SPATA18: variants seen among roughly 807,000 people sequenced by gnomAD.
SPATA18 encodes the protein spermatogenesis associated 18.
SPATA18 carries 54 observed loss-of-function variants against 68.1 expected under a neutral mutation model. The observed-to-expected ratio is 0.79, with a 90% CI of 0.64 to 0.99. The LOEUF (loss-of-function observed/expected upper bound fraction) is 0.99. Ranked by LOEUF, SPATA18 falls within the 50% of genes least tolerant of loss-of-function variation. The pLI is 0.00. For synonymous variants in SPATA18, 242 were observed against 244.8 expected (o/e 0.99, Z 0.11); for missense variants, 724 against 681.1 (o/e 1.06, Z -0.70).
At chr4:52,053,914 CAGA>C (rs1449301569) in intron 1 of SPATA18, among the ~76,000 whole-genome samples, 2 of 152,204 alleles carry the variant, frequency 1.3e-5, no homozygotes, top group Admixed American at 6.5e-5. Context: ...CTATTTCAGT[CAGA>C]AGAAGCCAAA....
intron 4 of SPATA18, among the ~76,000 whole-genome samples, chr4:52,067,424 G>A (rs1310664704): frequency 6.6e-6 from 1 of 151,950 alleles, no homozygotes; most frequent in Non-Finnish European, 1.5e-5. Context: ...TTTCTCACCA[G>A]GGCTCTCATA....
intron 11 of SPATA18, among the ~76,000 whole-genome samples, chr4:52,093,708 A>T (rs1483645593): frequency 6.6e-6 from 1 of 152,204 alleles, no homozygotes; most frequent in Admixed American, 6.5e-5. Context: ...CCGGACTCCC[A>T]TCAAAAGGCT....
chr4:52,052,153 T>G (rs1737945472), intron 1 of SPATA18, among the ~76,000 whole-genome samples: 1 of 152,192 alleles, frequency 6.6e-6, no homozygotes, highest in Admixed American at 6.5e-5. Flanking sequence ...CCCATCCCCC[T>G]TGCCAGCGCA....
intron 1 of SPATA18, among the ~76,000 whole-genome samples, chr4:52,052,444 C>T (rs1195662715): frequency 1.3e-5 from 2 of 152,170 alleles, no homozygotes; most frequent in East Asian, 3.9e-4. Flanking sequence ...TTTCAAATCT[C>T]ATTAATCCCT....
In SPATA18 at chr4:52,079,815, T is replaced by G. The variant is rs778351262; in HGVS notation, c.1251T>G (p.Ser417Arg). 55 of 1,613,964 alleles carry G rather than the reference T, an allele frequency of 3.4e-5. No homozygotes were observed. Among genetic ancestry groups the G allele is most frequent in the Non-Finnish European group, 4.4e-5 (52 of 1,179,956 alleles). ...FPPVVDFCLL[S>R]DFIQEICCIA... ...CTGTCGTTGACTTTTGCCTTCTCAG[T>G]GACTTCATCCAGGAGATATGTTGCA... Residue 417 changes from serine (S) to arginine (R), a missense_variant, in exon 9 of 13, where the codon AGT (serine) becomes AGG (arginine). By Grantham distance (110) the Ser-to-Arg change is moderately radical. Transcript: ENST00000295213.
chr4:52,078,728 T>C lies in SPATA18; in HGVS notation c.1021-7T>C. ...ACCAAATAAATTTGCTGCATTTTTA[T>C]GTGCAGGAGGCATTCCATGTAGCAA... On this transcript the variant is annotated splice_region_variant and splice_polypyrimidine_tract_variant and intron_variant, in intron 7 of 12. Coordinates refer to ENST00000295213, the MANE Select transcript of SPATA18 (RefSeq NM_145263.4). 5.9e-6 allele frequency: 9 copies of C among 1,529,526 alleles called. No individual in the cohort carries two copies. Among genetic ancestry groups the C allele is most frequent in the Non-Finnish European group, 8.0e-6 (9 of 1,123,038 alleles). The allele number at this position is 1,529,526 out of a possible 1,614,324, so 94.7% of individuals were successfully genotyped here.
intron 6 of SPATA18, among the ~76,000 whole-genome samples, chr4:52,074,054 A>G (rs972300897): frequency 1.3e-5 from 2 of 152,166 alleles, no homozygotes; most frequent in African/African-American, 4.8e-5. Flanking sequence ...TAGTGATTTC[A>G]TGGTAAGTAA....
At chr4:52,073,842 CT>C (rs897871918) in intron 6 of SPATA18, among the ~76,000 whole-genome samples, 18 of 152,166 alleles carry the variant, frequency 1.2e-4, no homozygotes, top group Admixed American at 3.9e-4. Context: ...TGAGTTTCCA[CT>C]TTTCCAGACA....
At chr4:52,072,280 G>A in intron 6 of SPATA18, 124 bp downstream of exon 6, 6 of 1,426,550 alleles carry the variant, frequency 4.2e-6, no homozygotes, top group Non-Finnish European at 5.6e-6. Flanking sequence ...AATCTGCCAA[G>A]CTTTGAATTG....
Position 52,060,404 on chromosome 4 carries a change from G to C in SPATA18, c.88-15G>C, listed in dbSNP as rs1171250396. ...GAAGTAATTACCCTGGTTATCTACT[G>C]TTTTGCCCTTGCAGACAAACACGTG... On this transcript the variant is annotated splice_polypyrimidine_tract_variant and intron_variant, in intron 1 of 12. Transcript: ENST00000295213. 8 of 1,610,884 alleles carry C rather than the reference G, an allele frequency of 5.0e-6. No individual in the cohort carries two copies. Among genetic ancestry groups the C allele is most frequent in the Non-Finnish European group, 8.5e-7 (1 of 1,177,562 alleles).
rs1560591454 is a variant in SPATA18, at chr4:52,069,816, T to C, written c.423-5T>C. On this transcript the variant is annotated splice_region_variant and splice_polypyrimidine_tract_variant and intron_variant, in intron 4 of 12. Transcript: ENST00000295213. ...TCTATCTTTAGTTACTGATTTATCT[T>C]ACAGTCTGGTTGAAACTGAAAAGAA... is the stretch of plus-strand genomic sequence containing the variant. 1 of 1,565,248 alleles carries C rather than the reference T, an allele frequency of 6.4e-7. No individual in the cohort carries two copies. Among genetic ancestry groups the C allele is most frequent in the Non-Finnish European group, 8.7e-7 (1 of 1,150,806 alleles).
rs1742484785 is a variant in SPATA18 at position 52,097,036 on chromosome 4, GAGCTGTAACTACACAAGGAA to G, written c.*2154_*2173del. ...TTGCTGTTTCTTCAGTTTCTAATTT[GAGCTGTAACTACACAAGGAA>G]AGCTAAATAGTCTGGAAAATTTTTG... On this transcript the variant is annotated 3_prime_UTR_variant, in exon 13 of 13. Transcript: ENST00000295213. 1 of 151,946 alleles carries G rather than the reference GAGCTGTAACTACACAAGGAA, an allele frequency of 6.6e-6. No homozygotes were observed. Among genetic ancestry groups the G allele is most frequent in the African/African-American group, 2.4e-5 (1 of 41,360 alleles). The allele number at this position is 151,946 out of a possible 1,614,324, so 9.4% of individuals were successfully genotyped here. A position where few individuals can be genotyped will look rare whatever the true frequency, so the allele number is the denominator to read the frequency against.
intron 11 of SPATA18, among the ~76,000 whole-genome samples, chr4:52,093,830 C>A (rs1742186665): frequency 6.6e-6 from 1 of 152,180 alleles, no homozygotes; most frequent in Non-Finnish European, 1.5e-5. Context: ...AAAATCTAAT[C>A]TCAAAGGTAT....
At chr4:52,088,987 G>A (rs960213383) in intron 11 of SPATA18, among the ~76,000 whole-genome samples, 1 of 151,984 alleles carries the variant, frequency 6.6e-6, no homozygotes, top group Non-Finnish European at 1.5e-5. Context: ...TCAGGGATTC[G>A]ACTTCTTCCT....
chr4:52,061,209 A>C (rs115827828), intron 3 of SPATA18, among the ~76,000 whole-genome samples: 200 of 152,274 alleles, frequency 1.3e-3, no homozygotes, highest in Admixed American at 2.1e-3. Context: ...TTTAGAAAGC[A>C]TTTAGTCTGT....
chr4:52,069,814 C>A lies in SPATA18; in HGVS notation c.423-7C>A. ...AATCTATCTTTAGTTACTGATTTAT[C>A]TTACAGTCTGGTTGAAACTGAAAAG... On this transcript the variant is annotated splice_region_variant and splice_polypyrimidine_tract_variant and intron_variant, in intron 4 of 12. Transcript: ENST00000295213. 6.4e-7 allele frequency: 1 copy of A among 1,560,608 alleles called. No individual in the cohort carries two copies. Among genetic ancestry groups the A allele is most frequent in the Non-Finnish European group, 8.7e-7 (1 of 1,148,242 alleles).
intron 4 of SPATA18, among the ~76,000 whole-genome samples, chr4:52,063,826 A>G (rs1739091655): frequency 6.6e-6 from 1 of 152,086 alleles, no homozygotes; most frequent in African/African-American, 2.4e-5. Flanking sequence ...ATGGGTCCTG[A>G]GTTGTGCATG....
In SPATA18 at chr4:52,060,524, G is replaced by A. The variant is rs1330570344; in HGVS notation, c.193G>A (p.Gly65Arg). 1 of 1,613,218 alleles carries A rather than the reference G, an allele frequency of 6.2e-7. No homozygotes were observed. Among genetic ancestry groups the A allele is most frequent in the African/African-American group, 1.3e-5 (1 of 74,904 alleles). The change falls in exon 2 of 13, where the codon GGA becomes AGA. Residue 65 changes from glycine to arginine, a missense_variant and splice_region_variant. Gly to Arg is a moderately radical substitution (Grantham distance 125). Transcript: ENST00000295213. ...FGILTAAAQE[G>R]GRNDGVETIK... Reference sequence around the variant, plus strand: ...GATCCTCACAGCAGCAGCCCAAGAAGGTGAGAATGGCCTGTAATTTCCCAT... The same window carrying A: ...GATCCTCACAGCAGCAGCCCAAGAAAGTGAGAATGGCCTGTAATTTCCCAT...
chr4:52,073,164 C>G (rs1740013308), intron 6 of SPATA18, among the ~76,000 whole-genome samples: 1 of 152,112 alleles, frequency 6.6e-6, no homozygotes, highest in Admixed American at 6.5e-5. Context: ...TATTGGCTTC[C>G]AATAACCTAT....
Sources: allele counts gnomAD v4.1 joint callset (sites outside exome capture counted in the v4.1 genomes callset), GRCh38; gene constraint gnomAD v4.1.1; transcripts MANE v1.5; gene names NCBI Gene and HGNC (gene_info 2026-07-23, HGNC 2026-07-21).